The following TRAF3IP1 variants were observed in gnomAD, a reference collection of about 807,000 sequenced individuals.
The protein encoded by TRAF3IP1 is TRAF3-interacting protein 1.
TRAF3IP1 carries 53 observed loss-of-function variants against 89.9 expected under a neutral mutation model. The observed-to-expected ratio is 0.59, with a 90% CI of 0.47 to 0.74. TRAF3IP1 has a LOEUF of 0.74. Among genes scored for constraint, TRAF3IP1 ranks in the 30% least tolerant of loss-of-function variants. The probability of loss-of-function intolerance (pLI) is 0.00; values close to 1 mark genes in which losing one functional copy is unlikely to be tolerated. For synonymous variants in TRAF3IP1, 311 were observed against 322.1 expected, an observed-to-expected ratio of 0.97 and a Z score of 0.37; for missense variants, 806 against 866.1, an observed-to-expected ratio of 0.93 and a Z score of 0.87.
At chr2:238,321,546 C>G (rs906001820) in intron 1 of TRAF3IP1, among the ~76,000 whole-genome samples, 2 of 152,266 alleles carry the variant, frequency 1.3e-5, no homozygotes, top group South Asian at 2.1e-4. Flanking sequence ...TTTCCACTTG[C>G]GGATGGTGTG....
intron 15 of TRAF3IP1, among the ~76,000 whole-genome samples, chr2:238,360,076 G>A (rs1699593750): frequency 6.6e-6 from 1 of 152,200 alleles, no homozygotes; most frequent in African/African-American, 2.4e-5. Flanking sequence ...TGTGTACAGT[G>A]TGTATATATA....
intron 15 of TRAF3IP1, among the ~76,000 whole-genome samples, chr2:238,362,619 C>T (rs1160264136): frequency 2.6e-5 from 4 of 152,214 alleles, no homozygotes; most frequent in Admixed American, 1.3e-4. Context: ...GGAAGTTGGA[C>T]AGCACTTCCA....
chr2:238,375,049 T>C (rs992520677), intron 15 of TRAF3IP1, among the ~76,000 whole-genome samples: 2 of 152,226 alleles, frequency 1.3e-5, no homozygotes, highest in African/African-American at 4.8e-5. Flanking sequence ...GCTAGCGGTC[T>C]ATCAGTTTTG....
chr2:238,398,621 T>A (rs984534470), intron 16 of TRAF3IP1, 133 bp from the exon 17 acceptor site: 1 of 1,083,022 alleles, frequency 9.2e-7, no homozygotes, highest in Admixed American at 2.8e-5. Flanking sequence ...GTTGTGAAAA[T>A]AAGAAATAAA....
rs963437287 is a variant in TRAF3IP1 at position 238,342,567 on chromosome 2, G to A, written c.1160-1930G>A. On this transcript the variant is annotated intron_variant, in intron 8 of 16. Transcript: ENST00000373327. Reference sequence around the variant, plus strand: ...CATTTATAATTTGCTTACTGTGATGGTGAATATGGTAGAGTATGGAAAACA... The same window carrying A: ...CATTTATAATTTGCTTACTGTGATGATGAATATGGTAGAGTATGGAAAACA... 3.9e-5 allele frequency among the ~76,000 whole-genome samples: 6 copies of A among 152,180 alleles called. No individual in the cohort carries two copies. The East Asian group carries it at 1.2e-3, about 29-fold the overall frequency.
chr2:238,338,976 T>G (rs913570337), intron 8 of TRAF3IP1, among the ~76,000 whole-genome samples: 8 of 152,220 alleles, frequency 5.3e-5, no homozygotes, highest in Admixed American at 3.9e-4. Flanking sequence ...CAGTAACCAC[T>G]GTCATCTGTG....
chr2:238,367,964 C>T (rs943593899), intron 15 of TRAF3IP1, among the ~76,000 whole-genome samples: 1 of 149,898 alleles, frequency 6.7e-6, no homozygotes, highest in Admixed American at 6.7e-5. Flanking sequence ...TTCCATATTT[C>T]TTCAGCTTCC....
At chr2:238,388,632 C>G (rs1700874621) in intron 15 of TRAF3IP1, among the ~76,000 whole-genome samples, 1 of 127,306 alleles carries the variant, frequency 7.9e-6, no homozygotes, top group South Asian at 2.6e-4. Context: ...GAGTCCTGCT[C>G]TGTTGCCCAG....
chr2:238,325,792 C>G lies in TRAF3IP1; in HGVS notation c.193-17C>G, dbSNP rs200790597. On this transcript the variant is annotated splice_polypyrimidine_tract_variant and intron_variant, in intron 2 of 16. Transcript: ENST00000373327. ...CAAAGTATTGTAATATTTGTATTTTCAATGGAAATGTTTCAGGATAAAGAT... is the reference window on the plus strand; with the variant it reads ...CAAAGTATTGTAATATTTGTATTTTGAATGGAAATGTTTCAGGATAAAGAT... 124 of 1,605,318 alleles carry G rather than the reference C, an allele frequency of 7.7e-5. No individual in the cohort carries two copies. The African/African-American group carries it at 1.6e-3, about 20-fold the overall frequency.
chr2:238,368,816 G>T (rs1045371948), intron 15 of TRAF3IP1, among the ~76,000 whole-genome samples: 1 of 151,938 alleles, frequency 6.6e-6, no homozygotes, highest in Admixed American at 6.6e-5. Flanking sequence ...GATTACAGGC[G>T]CCTGCCACCA....
chr2:238,321,664 C>T (rs1442307002), intron 1 of TRAF3IP1, among the ~76,000 whole-genome samples: 2 of 152,224 alleles, frequency 1.3e-5, no homozygotes, highest in African/African-American at 2.4e-5. Flanking sequence ...TGAGTGGGAC[C>T]TGTCAAGGCT....
chr2:238,333,815 A>G, intron 6 of TRAF3IP1, 145 bp from the exon 7 acceptor site: 1 of 649,124 alleles, frequency 1.5e-6, no homozygotes, highest in Non-Finnish European at 2.7e-6. Context: ...TTGAGTCCTT[A>G]GTAGTATTGA....
intron 10 of TRAF3IP1, among the ~76,000 whole-genome samples, chr2:238,348,483 T>G (rs189308510): frequency 3.9e-5 from 6 of 152,290 alleles, no homozygotes; most frequent in African/African-American, 1.2e-4. Flanking sequence ...AGTGCTCAGT[T>G]GATCAGCCTG....
intron 15 of TRAF3IP1, among the ~76,000 whole-genome samples, chr2:238,387,330 A>G (rs74342563): frequency 0.011 from 1,697 of 152,330 alleles, 39 homozygotes; most frequent in African/African-American, 0.038. Flanking sequence ...TTAACAGCCT[A>G]TTCCTGACTT....
intron 15 of TRAF3IP1, among the ~76,000 whole-genome samples, chr2:238,370,520 C>T (rs890203165): frequency 1.3e-5 from 2 of 152,138 alleles, no homozygotes; most frequent in African/African-American, 2.4e-5. Flanking sequence ...CGTGTGGGTG[C>T]CCTCTCCCTC....
Position 238,399,131 on chromosome 2 carries a change from C to A in TRAF3IP1, c.*212C>A. 2.0e-6 allele frequency: 1 copy of A among 489,304 alleles called. No individual in the cohort carries two copies. Among genetic ancestry groups the A allele is most frequent in the Non-Finnish European group, 3.5e-6 (1 of 284,140 alleles). 30.3% of individuals were successfully genotyped at this position (489,304 alleles called of 1,614,324 possible). A position where few individuals can be genotyped will look rare whatever the true frequency, so the allele number is the denominator to read the frequency against. On this transcript the variant is annotated 3_prime_UTR_variant, in exon 17 of 17. Transcript: ENST00000373327. The stretch of plus-strand genomic sequence containing the variant: ...TACCTCCTTCCAGATGGAATACTGG[C>A]TAGTTATAAATAGCGCTTCCAAACA...
At position 238,325,988 on chromosome 2, in the gene TRAF3IP1, G is replaced by A. The variant is rs1697813082; in HGVS notation, c.354+18G>A. 2 of 1,601,726 alleles carry A rather than the reference G, an allele frequency of 1.2e-6. No homozygotes were observed. Among genetic ancestry groups the A allele is most frequent in the East Asian group, 2.2e-5 (1 of 44,692 alleles). ...TCAACAAGGTACTACTGCTGTCCTG[G>A]CATTTTGAACTTACTTAGTACTTGA... On this transcript the variant is annotated intron_variant, in intron 3 of 16. Transcript: ENST00000373327.
At chr2:238,378,148 C>T (rs1700398763) in intron 15 of TRAF3IP1, among the ~76,000 whole-genome samples, 1 of 151,920 alleles carries the variant, frequency 6.6e-6, no homozygotes, top group South Asian at 2.1e-4. Flanking sequence ...TTGTTGTTCT[C>T]TTTTTAATCT....
At chr2:238,341,890 C>T (rs1225990177) in intron 8 of TRAF3IP1, among the ~76,000 whole-genome samples, 1 of 152,156 alleles carries the variant, frequency 6.6e-6, no homozygotes, top group Non-Finnish European at 1.5e-5. Context: ...CACATTCTCA[C>T]CTACAAGGTT....
Sources: allele counts gnomAD v4.1 joint callset (sites outside exome capture counted in the v4.1 genomes callset), GRCh38; gene constraint gnomAD v4.1.1; transcripts MANE v1.5; gene names NCBI Gene and HGNC (gene_info 2026-07-23, HGNC 2026-07-21).